RNASE4: variants seen among roughly 807,000 people sequenced by gnomAD.
RNASE4 encodes ribonuclease A family member 4.
For missense variants in RNASE4, 194 were observed against 192.8 expected (o/e 1.01, Z -0.04); for synonymous variants, 93 against 71.4 (o/e 1.30, Z -1.52).
chr14:20,685,237 G>A (rs1240103812), intron 1 of RNASE4, among the ~76,000 whole-genome samples: 2 of 152,164 alleles, frequency 1.3e-5, no homozygotes, highest in African/African-American at 4.8e-5. Context: ...AATTCTTAGA[G>A]ACACTTGCCA....
chr14:20,688,834 G>A, intron 1 of RNASE4: 2 of 985,388 alleles, frequency 2.0e-6, no homozygotes, highest in African/African-American at 1.7e-5. Flanking sequence ...ATCTCCCGTT[G>A]AAGGGAAACT....
At chr14:20,689,261 A>C (rs1242582946) in intron 1 of RNASE4, among the ~76,000 whole-genome samples, 2 of 152,234 alleles carry the variant, frequency 1.3e-5, no homozygotes, top group Non-Finnish European at 2.9e-5. Flanking sequence ...CTTCCCTGCT[A>C]ATTTCTCTTC....
chr14:20,693,542 C>T (rs372622387), intron 1 of RNASE4: 104 of 1,610,094 alleles, frequency 6.5e-5, no homozygotes, highest in Non-Finnish European at 8.4e-5. Context: ...TTTTGCCCTC[C>T]GCAGGAGCCT....
At chr14:20,695,473 A>C (rs931830959) in intron 1 of RNASE4, among the ~76,000 whole-genome samples, 8 of 151,978 alleles carry the variant, frequency 5.3e-5, no homozygotes, top group African/African-American at 1.9e-4. Context: ...ATTTGTTTTT[A>C]AGTTAACATA....
chr14:20,697,285 A>G (rs904211982), intron 1 of RNASE4, among the ~76,000 whole-genome samples: 1 of 152,214 alleles, frequency 6.6e-6, no homozygotes, highest in African/African-American at 2.4e-5. Flanking sequence ...GTGCCACCGG[A>G]AGAGCAAACC....
intron 1 of RNASE4, chr14:20,689,014 T>C: frequency 3.1e-6 from 1 of 320,264 alleles, no homozygotes; most frequent in Non-Finnish European, 4.5e-6. Flanking sequence ...AAGTTTAAAA[T>C]GAAAACAGGT....
intron 1 of RNASE4, among the ~76,000 whole-genome samples, chr14:20,685,044 A>G (rs1013990916): frequency 2.0e-5 from 3 of 152,130 alleles, no homozygotes; most frequent in African/African-American, 7.2e-5. Flanking sequence ...AACCTAAGGG[A>G]AGCCCTAGGA....
intron 1 of RNASE4, among the ~76,000 whole-genome samples, chr14:20,695,742 G>C (rs1594212311): frequency 6.6e-6 from 1 of 152,212 alleles, no homozygotes; most frequent in Non-Finnish European, 1.5e-5. Context: ...CCAATACTCA[G>C]GTTATAGAAC....
intron 1 of RNASE4, among the ~76,000 whole-genome samples, chr14:20,686,229 T>C (rs1307433538): frequency 6.6e-6 from 1 of 152,098 alleles, no homozygotes; most frequent in Non-Finnish European, 1.5e-5. Flanking sequence ...GGTACGATGT[T>C]AGTAACAGGA....
chr14:20,696,776 A>G (rs1887106333), intron 1 of RNASE4, among the ~76,000 whole-genome samples: 1 of 152,096 alleles, frequency 6.6e-6, no homozygotes, highest in Admixed American at 6.5e-5. Context: ...CTGAGCATTT[A>G]CCCTGTGCTA....
intron 1 of RNASE4, among the ~76,000 whole-genome samples, chr14:20,691,026 A>G (rs1594206377): frequency 6.6e-6 from 1 of 152,180 alleles, no homozygotes; most frequent in Non-Finnish European, 1.5e-5. Flanking sequence ...ACTTATATCT[A>G]ATGAGGTGTC....
intron 1 of RNASE4, among the ~76,000 whole-genome samples, chr14:20,686,090 G>T (rs5019558): frequency 6.6e-6 from 1 of 151,128 alleles, no homozygotes; most frequent in African/African-American, 2.4e-5. Context: ...CTTCCAGGCC[G>T]GCGAATGCAA....
At chr14:20,696,409 G>A (rs368632565) in intron 1 of RNASE4, among the ~76,000 whole-genome samples, 1 of 152,078 alleles carries the variant, frequency 6.6e-6, no homozygotes, top group Non-Finnish European at 1.5e-5. Context: ...TTTATCCTGC[G>A]TGAATCAATT....
intron 1 of RNASE4, among the ~76,000 whole-genome samples, chr14:20,697,648 C>T (rs1204616436): frequency 6.6e-6 from 1 of 152,190 alleles, no homozygotes; most frequent in Non-Finnish European, 1.5e-5. Flanking sequence ...TTCAGTCATT[C>T]ACACAGTGTG....
chr14:20,694,010 C>T (rs1566602862), intron 1 of RNASE4: 1 of 1,614,108 alleles, frequency 6.2e-7, no homozygotes, highest in South Asian at 1.1e-5. Context: ...CGTCCGTAAC[C>T]AGCGGGCCCC....
At chr14:20,694,263 G>C (rs1886992342) in intron 1 of RNASE4, 1 of 553,566 alleles carries the variant, frequency 1.8e-6, no homozygotes, top group Non-Finnish European at 3.3e-6. Context: ...TGAGAGGACT[G>C]CATAGGATAG....
intron 1 of RNASE4, chr14:20,693,524 A>C (rs1886915379): frequency 6.2e-7 from 1 of 1,607,766 alleles, no homozygotes; most frequent in African/African-American, 1.3e-5. Flanking sequence ...TGGGTCTACC[A>C]CACCTCCTTT....
intron 1 of RNASE4, among the ~76,000 whole-genome samples, chr14:20,687,316 C>T (rs1886472649): frequency 6.6e-6 from 1 of 152,206 alleles, no homozygotes. Flanking sequence ...TGTGTATCCT[C>T]CAAAGGTTGT....
intron 1 of RNASE4, among the ~76,000 whole-genome samples, chr14:20,685,539 A>T (rs1446206819): frequency 6.6e-6 from 1 of 152,242 alleles, no homozygotes; most frequent in East Asian, 1.9e-4. Context: ...TTCAAGACTT[A>T]CTTAACCACA....
Sources: gnomAD v4.1 joint callset for allele counts (sites outside exome capture counted in the v4.1 genomes callset) on GRCh38, gnomAD v4.1.1 for gene constraint, MANE v1.5 for transcripts, NCBI Gene and HGNC (gene_info 2026-07-23, HGNC 2026-07-21) for gene names.